GPR183: variants seen among roughly 807,000 people sequenced by gnomAD.
GPR183 encodes the protein EBV-induced G-protein coupled receptor 2.
Under a neutral mutation model 19.7 loss-of-function variants are expected in GPR183, and 9 were observed. That is an observed-to-expected ratio of 0.46 (90% CI 0.28 to 0.80). The LOEUF (loss-of-function observed/expected upper bound fraction) is 0.80. Ranked by LOEUF, GPR183 falls within the 30% of genes least tolerant of loss-of-function variation. The pLI, the probability that GPR183 is intolerant of heterozygous loss-of-function variation, is 0.13. For missense variants in GPR183, 368 were observed against 446.7 expected, an observed-to-expected ratio of 0.82 and a Z score of 1.59; for synonymous variants, 160 against 155.1, an observed-to-expected ratio of 1.03 and a Z score of -0.24.
intron 1 of GPR183, among the ~76,000 whole-genome samples, chr13:99,301,747 C>T (rs1350504028): frequency 6.6e-6 from 1 of 152,188 alleles, no homozygotes; most frequent in East Asian, 1.9e-4. Context: ...AGGACATGTA[C>T]CTTCCATGGT....
intron 1 of GPR183, among the ~76,000 whole-genome samples, chr13:99,301,660 GC>G (rs1266413360): frequency 6.6e-6 from 1 of 151,860 alleles, no homozygotes; most frequent in Non-Finnish European, 1.5e-5. Context: ...AAAATAAAAG[GC>G]CCCCCAAAAC....
intron 1 of GPR183, among the ~76,000 whole-genome samples, chr13:99,299,092 G>T (rs891554982): frequency 4.6e-5 from 7 of 152,230 alleles, no homozygotes; most frequent in Non-Finnish European, 1.0e-4. Flanking sequence ...AATTAGGAAA[G>T]TAACACTTAT....
chr13:99,299,022 G>GA (rs1198325541), intron 1 of GPR183, among the ~76,000 whole-genome samples: 1 of 151,864 alleles, frequency 6.6e-6, no homozygotes, highest in Non-Finnish European at 1.5e-5. Context: ...TACATGGCAG[G>GA]AAAAAAATAC....
Position 99,295,904 on chromosome 13 carries a change from G to C in GPR183, c.242C>G (p.Thr81Ser), listed in dbSNP as rs569315680. 6.2e-7 allele frequency: 1 copy of C among 1,613,290 alleles called. No individual in the cohort carries two copies. Among genetic ancestry groups the C allele is most frequent in the Admixed American group, 1.7e-5 (1 of 59,968 alleles). ...TNLVISDILF[T>S]TALPTRIAYY... ...GGCTATTCGTGTAGGCAAAGCGGTG[G>C]TAAAAAGTATATCAGAAATCACCAA... Residue 81 changes from threonine to serine, a missense_variant, in exon 2 of 2, where the codon ACC becomes AGC. Coordinates refer to ENST00000376414, the MANE Select transcript of GPR183 (RefSeq NM_004951.5). The surrounding 1 kb of genome is among the most constrained non-coding windows in gnomAD (Gnocchi z 4.1).
Position 99,296,070 on chromosome 13 carries a change from G to T in GPR183, c.76C>A (p.His26Asn). Residue 26 changes from histidine (H) to asparagine (N), a missense_variant, in exon 2 of 2, where the codon CAT becomes AAT. His to Asn is a moderately conservative substitution (Grantham distance 68, BLOSUM62 1). Transcript: ENST00000376414. ...PQGNDCDLYA[H>N]HSTARIVMPL... ...ATTACTATCCTGGCCGTGCTGTGAT[G>T]TGCATAGAGGTCACAGTCATTTCCC... The T allele has an allele frequency of 6.2e-7, 1 of 1,613,908 alleles. No homozygotes were observed. Among genetic ancestry groups the T allele is most frequent in the Non-Finnish European group, 8.5e-7 (1 of 1,179,938 alleles).
intron 1 of GPR183, among the ~76,000 whole-genome samples, chr13:99,296,677 T>C (rs911543190): frequency 1.3e-5 from 2 of 152,184 alleles, no homozygotes; most frequent in Admixed American, 6.6e-5. Context: ...CTTACCACAG[T>C]GATCTGATTT....
At chr13:99,302,291 G>T (rs1160059185) in intron 1 of GPR183, among the ~76,000 whole-genome samples, 1 of 152,172 alleles carries the variant, frequency 6.6e-6, no homozygotes, top group African/African-American at 2.4e-5. Context: ...TTCTGGAGCA[G>T]GGAGAAATAA....
Position 99,295,556 on chromosome 13 carries a change from A to G in GPR183, c.590T>C (p.Leu197Pro). The change falls in exon 2 of 2, where the codon CTG becomes CCG. Residue 197 changes from leucine (L) to proline (P), a missense_variant. Physicochemically the swap from Leu to Pro is moderately conservative, Grantham distance 98 (BLOSUM62 -3). Coordinates refer to ENST00000376414, the MANE Select transcript of GPR183 (RefSeq NM_004951.5). This position sits in a 1 kb window ranked among gnomAD's most constrained non-coding sequence, Gnocchi z 4.1. ...ATATCCTATGAAACATGCCCCAAGC[A>G]GAATCCAGGGAAGAGATTTAGTTTC... The part of the protein sequence containing the change: ...FEETKSLPWI[L>P]LGACFIGYVL... The G allele has an allele frequency of 1.2e-6, 2 of 1,614,026 alleles. No individual in the cohort carries two copies. The highest frequency in any genetic ancestry group is 1.7e-6 in the Non-Finnish European group (2 of 1,180,018).
intron 1 of GPR183, among the ~76,000 whole-genome samples, chr13:99,300,957 G>GC (rs1043840613): frequency 6.6e-6 from 1 of 150,730 alleles, no homozygotes; most frequent in African/African-American, 2.4e-5. Flanking sequence ...TTATTAGGCA[G>GC]CAGCTTCTGA....
chr13:99,304,059 C>A (rs2044295402), intron 1 of GPR183, among the ~76,000 whole-genome samples: 2 of 152,150 alleles, frequency 1.3e-5, no homozygotes, highest in African/African-American at 4.8e-5. Flanking sequence ...TCAAACGGGG[C>A]CCATCCAACC....
chr13:99,296,657 G>T (rs1248760095), intron 1 of GPR183, among the ~76,000 whole-genome samples: 1 of 152,098 alleles, frequency 6.6e-6, no homozygotes, highest in African/African-American at 2.4e-5. Flanking sequence ...TTTATGTAGT[G>T]AAATATGAAC....
chr13:99,295,901 G>C lies in GPR183; in HGVS notation c.245C>G (p.Thr82Ser). 1 of 1,613,162 alleles carries C rather than the reference G, an allele frequency of 6.2e-7. No individual in the cohort carries two copies. Among genetic ancestry groups the C allele is most frequent in the Admixed American group, 1.7e-5 (1 of 59,968 alleles). ...GTAGGCTATTCGTGTAGGCAAAGCG[G>C]TGGTAAAAAGTATATCAGAAATCAC... is the stretch of plus-strand genomic sequence containing the variant. ...NLVISDILFTTALPTRIAYYA... is the reference protein window; with the variant it reads ...NLVISDILFTSALPTRIAYYA... The change falls in exon 2 of 2, where the codon ACC (threonine) becomes AGC (serine). Residue 82 changes from threonine to serine, a missense_variant. Transcript: ENST00000376414. This position sits in a 1 kb window ranked among gnomAD's most constrained non-coding sequence, Gnocchi z 4.1.
chr13:99,301,162 C>T (rs933953902), intron 1 of GPR183, among the ~76,000 whole-genome samples: 9 of 152,356 alleles, frequency 5.9e-5, no homozygotes, highest in Non-Finnish European at 1.2e-4. Context: ...AGCCGTCCTT[C>T]GTGCTGCCCA....
intron 1 of GPR183, among the ~76,000 whole-genome samples, chr13:99,303,109 A>G (rs1024820826): frequency 3.3e-5 from 5 of 152,138 alleles, no homozygotes; most frequent in Admixed American, 2.0e-4. Context: ...CAGCCTGCCA[A>G]CCCCATTGCA....
chr13:99,306,395 A>T (rs899603181), intron 1 of GPR183, among the ~76,000 whole-genome samples: 74 of 151,756 alleles, frequency 4.9e-4, no homozygotes, highest in Admixed American at 4.2e-3. Flanking sequence ...ATATTAGGTA[A>T]CTTGTGTGTG....
intron 1 of GPR183, among the ~76,000 whole-genome samples, chr13:99,306,116 G>A (rs1037662901): frequency 4.6e-5 from 7 of 152,010 alleles, no homozygotes; most frequent in Admixed American, 1.3e-4. Flanking sequence ...GGCTGGTCTC[G>A]AACTCCTGAT....
chr13:99,307,130 C>T (rs1164694500), intron 1 of GPR183, among the ~76,000 whole-genome samples: 1 of 151,958 alleles, frequency 6.6e-6, no homozygotes, highest in African/African-American at 2.4e-5. Flanking sequence ...TCTGGTGGAC[C>T]CATCGCTTTC....
rs766587215 is a variant in GPR183, at chr13:99,295,023, A to G, written c.*37T>C. ...AGGGAAGTCCTGCAAAGTTTGTCAT[A>G]CAGTTTACGTCACTATAAACCAAAA... On this transcript the variant is annotated 3_prime_UTR_variant, in exon 2 of 2. Coordinates refer to ENST00000376414, the MANE Select transcript of GPR183 (RefSeq NM_004951.5). The surrounding 1 kb of genome is among the most constrained non-coding windows in gnomAD (Gnocchi z 4.1). The G allele has an allele frequency of 1.3e-6, 2 of 1,564,832 alleles. No homozygotes were observed. The highest frequency in any genetic ancestry group is 1.7e-6 in the Non-Finnish European group (2 of 1,157,170).
chr13:99,306,138 C>CGCCTGCCTCGGCCT, intron 1 of GPR183, among the ~76,000 whole-genome samples: 1 of 152,200 alleles, frequency 6.6e-6, no homozygotes, highest in East Asian at 1.9e-4. Context: ...TCAGGTGATC[C>CGCCTGCCTCGGCCT]GCCTGCCTCG....
Sources: gnomAD v4.1 joint callset for allele counts (sites outside exome capture counted in the v4.1 genomes callset) on GRCh38, gnomAD v4.1.1 for gene constraint, Gnocchi (gnomAD v3.1) non-coding constraint, MANE v1.5 for transcripts, NCBI Gene and HGNC (gene_info 2026-07-23, HGNC 2026-07-21) for gene names.